Variants in CCDC7 observed in about 807,000 individuals in gnomAD.
The protein encoded by CCDC7 is coiled-coil domain-containing protein 7.
Under a neutral mutation model 196.9 loss-of-function variants are expected in CCDC7, and 183 were observed. The ratio of observed to expected loss-of-function variants is 0.93; its 90% CI spans 0.82 to 1.05. CCDC7 has a LOEUF of 1.05. CCDC7 is among the 50% of genes least tolerant of loss of function. CCDC7 has a pLI of 0.00. For synonymous variants in CCDC7, 525 were observed against 484.6 expected (o/e 1.08, Z -1.10); for missense variants, 1,540 against 1,482.2 (o/e 1.04, Z -0.64).
chr10:32,482,996 T>A (rs1228207345), intron 8 of CCDC7, among the ~76,000 whole-genome samples: 1 of 152,226 alleles, frequency 6.6e-6, no homozygotes, highest in Non-Finnish European at 1.5e-5. Context: ...TGATTTATAA[T>A]CCTTTGGGTA....
intron 18 of CCDC7, among the ~76,000 whole-genome samples, chr10:32,614,982 A>G (rs1400793560): frequency 1.3e-5 from 2 of 152,182 alleles, no homozygotes; most frequent in Non-Finnish European, 2.9e-5. Context: ...TTCATTTTTT[A>G]TGGCTAAATA....
intron 29 of CCDC7, among the ~76,000 whole-genome samples, chr10:32,799,578 G>A (rs1447665982): frequency 1.3e-5 from 2 of 152,120 alleles, no homozygotes; most frequent in African/African-American, 4.8e-5. Context: ...TTGTAGGAGG[G>A]GCCAAATGCA....
At chr10:32,655,873 A>G (rs751358192) in intron 20 of CCDC7, among the ~76,000 whole-genome samples, 6 of 152,100 alleles carry the variant, frequency 3.9e-5, no homozygotes, top group Non-Finnish European at 8.8e-5. Flanking sequence ...AGAAATATGT[A>G]TTAGGCTTTT....
At chr10:32,540,618 A>G (rs2051249472) in intron 11 of CCDC7, among the ~76,000 whole-genome samples, 1 of 152,152 alleles carries the variant, frequency 6.6e-6, no homozygotes, top group Non-Finnish European at 1.5e-5. Flanking sequence ...CACTTATGAC[A>G]TTCAGTTTGG....
At chr10:32,649,925 T>C (rs2068436797) in intron 20 of CCDC7, among the ~76,000 whole-genome samples, 1 of 152,220 alleles carries the variant, frequency 6.6e-6, no homozygotes, top group South Asian at 2.1e-4. Context: ...AGTGGATTGC[T>C]TGGCTTTCTT....
intron 36 of CCDC7, among the ~76,000 whole-genome samples, 198 bp from the exon 38 acceptor site, chr10:32,846,178 T>G (rs767575683): frequency 6.0e-5 from 9 of 151,186 alleles, no homozygotes; most frequent in Admixed American, 1.3e-4. Flanking sequence ...TGTGACCTAT[T>G]TATGTTCCCT....
At chr10:32,671,836 G>T (rs1275648914) in intron 21 of CCDC7, among the ~76,000 whole-genome samples, 2 of 152,094 alleles carry the variant, frequency 1.3e-5, no homozygotes, top group Admixed American at 6.6e-5. Context: ...GTAGCTCTGG[G>T]AACTGAGGTT....
chr10:32,751,122 A>G (rs1016933394), intron 28 of CCDC7, among the ~76,000 whole-genome samples: 10 of 151,934 alleles, frequency 6.6e-5, no homozygotes, highest in Admixed American at 1.3e-4. Flanking sequence ...TGGCTGCACA[A>G]TATTTTTTTA....
Position 32,866,848 on chromosome 10 carries a change from G to C in CCDC7, c.4112-9499G>C, listed in dbSNP as rs74959753. Among the ~76,000 whole-genome samples, 1,199 of 151,528 alleles carry C rather than the reference G, an allele frequency of 7.9e-3. 7 individuals carry two copies. Among genetic ancestry groups the C allele is most frequent in the Middle Eastern group, 0.02 (6 of 294 alleles). On this transcript the variant is annotated intron_variant, in intron 41 of 41. Coordinates refer to ENST00000639629, the Ensembl canonical transcript of CCDC7. ...AGTAAAAAAAGTACTTTACAGTAGA[G>C]AAACATAATAGACACCATTACAATC...
At chr10:32,570,128 T>A (rs2057370018) in intron 15 of CCDC7, among the ~76,000 whole-genome samples, 1 of 152,206 alleles carries the variant, frequency 6.6e-6, no homozygotes, top group Admixed American at 6.5e-5. Flanking sequence ...ACATCTAGAA[T>A]TCACCATGTC....
intron 25 of CCDC7, chr10:32,725,275 A>C: frequency 2.1e-6 from 1 of 468,578 alleles, no homozygotes; most frequent in Non-Finnish European, 4.4e-6. Flanking sequence ...TAATACTTTG[A>C]AACTTTTACA....
downstream of CCDC7, chr10:32,876,444 C>A (rs764261796): frequency 6.5e-7 from 1 of 1,527,560 alleles, no homozygotes; most frequent in East Asian, 2.3e-5. Flanking sequence ...TTCAGAAATG[C>A]AGGAAAGGAA....
At chr10:32,586,014 C>T (rs1488491268) in intron 18 of CCDC7, among the ~76,000 whole-genome samples, 1 of 152,210 alleles carries the variant, frequency 6.6e-6, no homozygotes, top group African/African-American at 2.4e-5. Flanking sequence ...ATTCCTATTT[C>T]TCCACATCCT....
chr10:32,602,575 A>C (rs2061167978), intron 18 of CCDC7, among the ~76,000 whole-genome samples: 1 of 151,966 alleles, frequency 6.6e-6, no homozygotes, highest in Non-Finnish European at 1.5e-5. Flanking sequence ...TAATTTTTCC[A>C]CCTATGCTTA....
At chr10:32,714,213 T>C (rs1226954802) in intron 25 of CCDC7, among the ~76,000 whole-genome samples, 4 of 152,092 alleles carry the variant, frequency 2.6e-5, no homozygotes, top group African/African-American at 4.8e-5. Context: ...GTTCGTCTCA[T>C]TGGGACTGGT....
At chr10:32,634,764 T>C (rs1460997413) in intron 19 of CCDC7, among the ~76,000 whole-genome samples, 1 of 152,204 alleles carries the variant, frequency 6.6e-6, no homozygotes, top group Non-Finnish European at 1.5e-5. Context: ...GAACATATAA[T>C]TTGTAGAAAT....
chr10:32,674,993 T>G (rs2074683481), intron 21 of CCDC7, among the ~76,000 whole-genome samples: 1 of 152,142 alleles, frequency 6.6e-6, no homozygotes, highest in Non-Finnish European at 1.5e-5. Context: ...TGTCCTTAAC[T>G]CTAAAGCAAG....
At chr10:32,819,037 G>T (rs1447191164) in intron 31 of CCDC7, among the ~76,000 whole-genome samples, 1 of 151,996 alleles carries the variant, frequency 6.6e-6, no homozygotes, top group African/African-American at 2.4e-5. Flanking sequence ...CTGGTTTTTT[G>T]AAAAGATCAA....
intron 9 of CCDC7, among the ~76,000 whole-genome samples, chr10:32,498,719 C>A (rs1474668367): frequency 6.6e-6 from 1 of 152,056 alleles, no homozygotes; most frequent in South Asian, 2.1e-4. Context: ...CCCCCAATCT[C>A]TTCTGGCTTG....
Sources: allele counts gnomAD v4.1 joint callset (sites outside exome capture counted in the v4.1 genomes callset), GRCh38; gene constraint gnomAD v4.1.1; transcripts MANE v1.5; gene names NCBI Gene and HGNC (gene_info 2026-07-23, HGNC 2026-07-21).